Variants in TMEM196 observed in about 807,000 individuals in gnomAD.
TMEM196 encodes the protein transmembrane protein 196.
TMEM196 carries 17 observed loss-of-function variants against 20.0 expected under a neutral mutation model. The observed-to-expected ratio is 0.85, with a 90% CI of 0.58 to 1.27. The LOEUF is 1.27. TMEM196 is among the 50% of genes most tolerant of loss of function. The pLI, the probability that TMEM196 is intolerant of heterozygous loss-of-function variation, is 0.00. For missense variants in TMEM196, 267 were observed against 223.0 expected (o/e 1.20, Z -1.26); for synonymous variants, 113 against 88.9 (o/e 1.27, Z -1.52).
chr7:19,730,116 C>T (rs947543987), intron 1 of TMEM196, among the ~76,000 whole-genome samples: 2 of 151,946 alleles, frequency 1.3e-5, no homozygotes, highest in Non-Finnish European at 2.9e-5. Context: ...ATTAGCCGGG[C>T]GTGGTGGCAG....
chr7:19,745,306 G>T (rs938903542), intron 1 of TMEM196, among the ~76,000 whole-genome samples: 3 of 151,990 alleles, frequency 2.0e-5, no homozygotes, highest in African/African-American at 4.8e-5. Context: ...CTGCGCATAG[G>T]GAGGGCCAAC....
intron 1 of TMEM196, among the ~76,000 whole-genome samples, chr7:19,759,789 A>T (rs1253131462): frequency 5.9e-5 from 9 of 152,210 alleles, no homozygotes; most frequent in Non-Finnish European, 1.3e-4. Flanking sequence ...CTATAATGGC[A>T]TAAAATTGAA....
intron 1 of TMEM196, among the ~76,000 whole-genome samples, chr7:19,741,042 TAA>T (rs1784567841): frequency 6.6e-6 from 1 of 152,154 alleles, no homozygotes; most frequent in Non-Finnish European, 1.5e-5. Flanking sequence ...GTTGCTGAAA[TAA>T]AGTCTTCATT....
At chr7:19,740,556 T>C (rs1446868270) in intron 1 of TMEM196, among the ~76,000 whole-genome samples, 2 of 152,162 alleles carry the variant, frequency 1.3e-5, no homozygotes, top group African/African-American at 4.8e-5. Flanking sequence ...CCCATCAAGA[T>C]TCATTGTTAT....
chr7:19,736,315 T>C (rs1207772919), intron 1 of TMEM196, among the ~76,000 whole-genome samples: 1 of 121,534 alleles, frequency 8.2e-6, no homozygotes, highest in Non-Finnish European at 1.7e-5. Flanking sequence ...GTTATGTGCT[T>C]CGTTTCATTT....
chr7:19,747,280 T>TAAAA (rs542868041), intron 1 of TMEM196, among the ~76,000 whole-genome samples: 66,897 of 144,926 alleles, frequency 0.46, 18,877 homozygotes, highest in East Asian at 0.97. Flanking sequence ...TAAAATAAAA[T>TAAAA]AAAAATAAAA....
chr7:19,743,000 A>C (rs774023651), intron 1 of TMEM196, among the ~76,000 whole-genome samples: 2 of 152,128 alleles, frequency 1.3e-5, no homozygotes, highest in Non-Finnish European at 2.9e-5. Context: ...TGTCTTGTTC[A>C]TACTTATCTC....
At chr7:19,766,052 C>T (rs1204319419) in intron 1 of TMEM196, among the ~76,000 whole-genome samples, 1 of 152,116 alleles carries the variant, frequency 6.6e-6, no homozygotes, top group Non-Finnish European at 1.5e-5. Flanking sequence ...GAACTAGCAG[C>T]TTTAGAAACA....
rs1167040802 is a variant in TMEM196 at position 19,720,493 on chromosome 7, A to T, written c.*1635T>A. 2 of 152,034 alleles carry T rather than the reference A, an allele frequency of 1.3e-5. No homozygotes were observed. The highest frequency in any genetic ancestry group is 2.9e-5 in the Non-Finnish European group (2 of 67,872). The allele number at this position is 152,034 out of a possible 1,614,324, so 9.4% of individuals were successfully genotyped here. A position where few individuals can be genotyped will look rare whatever the true frequency, so the allele number is the denominator to read the frequency against. ...ATGGTTCAACAAGTAACTCATAAAA[A>T]ATGACTTGAAAATTGATTAGATTTG... On this transcript the variant is annotated 3_prime_UTR_variant, in exon 5 of 5. Transcript: ENST00000405844.
intron 1 of TMEM196, among the ~76,000 whole-genome samples, chr7:19,762,672 CAT>C (rs1484289083): frequency 2.6e-5 from 4 of 152,072 alleles, no homozygotes; most frequent in East Asian, 1.9e-4. Context: ...CAACTTGAAA[CAT>C]GTGGAAACTA....
Position 19,748,294 on chromosome 7 carries a change from G to C in TMEM196, c.148-18856C>G, listed in dbSNP as rs182398371. Among the ~76,000 whole-genome samples, 125 of 93,106 alleles carry C rather than the reference G, an allele frequency of 1.3e-3. 1 individual carries two copies. Among genetic ancestry groups the C allele is most frequent in the African/African-American group, 6.0e-3 (118 of 19,706 alleles). 61.1% of individuals were successfully genotyped at this position (93,106 alleles called of 152,430 possible). ...AAAAAAAAAAAAAAAAAAAAAAACA[G>C]TGTAATGACAGAACTTAGAAAGAAT... On this transcript the variant is annotated intron_variant, in intron 1 of 4. Coordinates refer to ENST00000405844, the MANE Select transcript of TMEM196 (RefSeq NM_001363562.2).
intron 1 of TMEM196, among the ~76,000 whole-genome samples, chr7:19,736,006 A>ATG (rs1784386873): frequency 2.0e-5 from 3 of 152,152 alleles, no homozygotes; most frequent in Admixed American, 1.3e-4. Context: ...ACACAGACAA[A>ATG]TGTTAAATGT....
At chr7:19,742,950 G>A (rs929620572) in intron 1 of TMEM196, among the ~76,000 whole-genome samples, 2 of 152,126 alleles carry the variant, frequency 1.3e-5, no homozygotes, top group Non-Finnish European at 2.9e-5. Flanking sequence ...ATTCCCAGGT[G>A]TTAAGACAGT....
Position 19,720,705 on chromosome 7 carries a change from T to C in TMEM196, c.*1423A>G, listed in dbSNP as rs1223432481. 6.6e-6 allele frequency: 1 copy of C among 151,980 alleles called. No homozygotes were observed. Among genetic ancestry groups the C allele is most frequent in the Admixed American group, 6.6e-5 (1 of 15,262 alleles). The allele number at this position is 151,980 out of a possible 1,614,324, so 9.4% of individuals were successfully genotyped here. Reference sequence around the variant, plus strand: ...TAGAGGAAAGGATTGAATCTAGCTATACAAATGTTAGCCTATCTTTTCACT... The same window carrying C: ...TAGAGGAAAGGATTGAATCTAGCTACACAAATGTTAGCCTATCTTTTCACT... On this transcript the variant is annotated 3_prime_UTR_variant, in exon 5 of 5. Coordinates refer to ENST00000405844, the MANE Select transcript of TMEM196 (RefSeq NM_001363562.2).
chr7:19,739,584 G>A (rs186749368), intron 1 of TMEM196, among the ~76,000 whole-genome samples: 1 of 152,074 alleles, frequency 6.6e-6, no homozygotes, highest in East Asian at 1.9e-4. Context: ...TGGGCAGCCT[G>A]GGGAAAATAT....
chr7:19,755,913 C>A (rs901873955), intron 1 of TMEM196, among the ~76,000 whole-genome samples: 8 of 152,068 alleles, frequency 5.3e-5, no homozygotes, highest in African/African-American at 1.9e-4. Flanking sequence ...CCTGTAATCC[C>A]AGCTACTCAG....
chr7:19,760,896 G>A (rs1221648902), intron 1 of TMEM196, among the ~76,000 whole-genome samples: 3 of 152,192 alleles, frequency 2.0e-5, no homozygotes, highest in African/African-American at 7.2e-5. Context: ...GCTCATGAGA[G>A]TCATAACAGA....
chr7:19,733,204 G>T (rs1372413240), intron 1 of TMEM196, among the ~76,000 whole-genome samples: 1 of 152,102 alleles, frequency 6.6e-6, no homozygotes, highest in East Asian at 1.9e-4. Flanking sequence ...GTGACGTGTT[G>T]GACGAAATGA....
At chr7:19,768,322 G>A (rs1396684282) in intron 1 of TMEM196, among the ~76,000 whole-genome samples, 1 of 152,034 alleles carries the variant, frequency 6.6e-6, no homozygotes, top group Non-Finnish European at 1.5e-5. Flanking sequence ...TGGAATTTTA[G>A]CATAATATAT....
Sources: allele counts gnomAD v4.1 joint callset (sites outside exome capture counted in the v4.1 genomes callset), GRCh38; gene constraint gnomAD v4.1.1; transcripts MANE v1.5; gene names NCBI Gene and HGNC (gene_info 2026-07-23, HGNC 2026-07-21).